The following ZNF385B variants were observed in gnomAD, a reference collection of about 807,000 sequenced individuals.
The protein encoded by ZNF385B is zinc finger protein 385B.
A neutral mutation model predicts 39.2 loss-of-function variants in ZNF385B; 23 were observed. The ratio of observed to expected loss-of-function variants is 0.59; its 90% confidence interval spans 0.42 to 0.83. The LOEUF (loss-of-function observed/expected upper bound fraction) is 0.83, where lower values mean the gene tolerates loss of function less well. ZNF385B is among the 40% of genes least tolerant of loss of function. The probability of loss-of-function intolerance (pLI) is 0.00; values close to 1 mark genes in which losing one functional copy is unlikely to be tolerated. For missense variants in ZNF385B, 552 were observed against 598.9 expected (o/e 0.92, Z 0.82); for synonymous variants, 205 against 222.6 (o/e 0.92, Z 0.70).
At chr2:179,702,090 G>T (rs988203656) in intron 3 of ZNF385B, among the ~76,000 whole-genome samples, 3 of 151,968 alleles carry the variant, frequency 2.0e-5, no homozygotes, top group African/African-American at 7.3e-5. Flanking sequence ...CTTGAATTAA[G>T]ATGTATACAT....
chr2:179,613,163 A>G (rs1191427779), intron 3 of ZNF385B, among the ~76,000 whole-genome samples: 4 of 152,204 alleles, frequency 2.6e-5, no homozygotes, highest in African/African-American at 9.6e-5. Context: ...GGGAAGGTCC[A>G]GAAATGCTTT....
At chr2:179,619,393 T>C (rs1311940172) in intron 3 of ZNF385B, among the ~76,000 whole-genome samples, 1 of 152,224 alleles carries the variant, frequency 6.6e-6, no homozygotes, top group Non-Finnish European at 1.5e-5. Flanking sequence ...ACTGAGTCTT[T>C]TTTAACTTTC....
intron 3 of ZNF385B, among the ~76,000 whole-genome samples, chr2:179,621,544 T>C (rs971115288): frequency 6.6e-6 from 1 of 152,236 alleles, no homozygotes; most frequent in African/African-American, 2.4e-5. Context: ...AACATGTCAC[T>C]TAACGTAAGT....
chr2:179,512,888 T>C (rs2057786797), intron 5 of ZNF385B, among the ~76,000 whole-genome samples: 1 of 152,190 alleles, frequency 6.6e-6, no homozygotes, highest in East Asian at 1.9e-4. Context: ...AACTGTGTAT[T>C]GTGTAAATAA....
At chr2:179,449,460 G>A (rs1349733562) in intron 6 of ZNF385B, among the ~76,000 whole-genome samples, 1 of 152,040 alleles carries the variant, frequency 6.6e-6, no homozygotes, top group Non-Finnish European at 1.5e-5. Flanking sequence ...ACCAATAACA[G>A]ACAAACAGAG....
At chr2:179,816,869 G>T (rs1415940127) in intron 1 of ZNF385B, among the ~76,000 whole-genome samples, 1 of 152,044 alleles carries the variant, frequency 6.6e-6, no homozygotes, top group Non-Finnish European at 1.5e-5. Context: ...TGCACCAACG[G>T]ACCAGTGTGG....
intron 3 of ZNF385B, among the ~76,000 whole-genome samples, chr2:179,749,857 T>C (rs1280389468): frequency 6.6e-6 from 1 of 152,130 alleles, no homozygotes; most frequent in Non-Finnish European, 1.5e-5. Context: ...CAAGACTTAA[T>C]ATTAAGCAAC....
chr2:179,496,666 C>T (rs369143283), intron 5 of ZNF385B, among the ~76,000 whole-genome samples: 8 of 152,232 alleles, frequency 5.3e-5, no homozygotes, highest in African/African-American at 1.9e-4. Flanking sequence ...ATCTTAAAGG[C>T]CAGGAAAGAG....
At chr2:179,549,758 A>G (rs578030409) in intron 3 of ZNF385B, among the ~76,000 whole-genome samples, 1 of 149,726 alleles carries the variant, frequency 6.7e-6, no homozygotes, top group Non-Finnish European at 1.5e-5. Context: ...AAGAGAAAAA[A>G]GAGAGAAGGG....
intron 3 of ZNF385B, among the ~76,000 whole-genome samples, chr2:179,665,571 G>A (rs567001944): frequency 6.6e-6 from 1 of 152,280 alleles, no homozygotes; most frequent in East Asian, 1.9e-4. Context: ...CTCTATCAGT[G>A]TCATCAGATT....
chr2:179,517,094 G>T (rs913840150), intron 5 of ZNF385B, among the ~76,000 whole-genome samples: 1 of 151,754 alleles, frequency 6.6e-6, no homozygotes, highest in Non-Finnish European at 1.5e-5. Flanking sequence ...CTGTTCCATT[G>T]ATCCATGTGT....
intron 6 of ZNF385B, among the ~76,000 whole-genome samples, chr2:179,452,449 T>G (rs1212516794): frequency 6.6e-6 from 1 of 152,130 alleles, no homozygotes; most frequent in East Asian, 1.9e-4. Context: ...AAAGAAGTTT[T>G]AAGAAACCAA....
chr2:179,824,866 G>T (rs1475102561), intron 1 of ZNF385B, among the ~76,000 whole-genome samples: 2 of 151,510 alleles, frequency 1.3e-5, no homozygotes, highest in African/African-American at 4.9e-5. Context: ...CTCTTATGTG[G>T]GTAGTCTGAT....
chr2:179,618,522 C>T (rs544005112), intron 3 of ZNF385B, among the ~76,000 whole-genome samples: 2 of 152,266 alleles, frequency 1.3e-5, no homozygotes, highest in South Asian at 2.1e-4. Flanking sequence ...TTCCTTATCT[C>T]ATTTTCTCCT....
chr2:179,751,273 C>A (rs1702657131), intron 3 of ZNF385B, among the ~76,000 whole-genome samples: 1 of 151,712 alleles, frequency 6.6e-6, no homozygotes, highest in African/African-American at 2.4e-5. Flanking sequence ...ATCCTCACTC[C>A]TTGGTGTGGT....
At chr2:179,695,435 T>C (rs1262702771) in intron 3 of ZNF385B, among the ~76,000 whole-genome samples, 1 of 152,042 alleles carries the variant, frequency 6.6e-6, no homozygotes, top group Non-Finnish European at 1.5e-5. Flanking sequence ...ATTTAAATTA[T>C]ATAACTGAAA....
intron 6 of ZNF385B, among the ~76,000 whole-genome samples, chr2:179,478,557 T>C (rs145681973): frequency 1.6e-4 from 24 of 152,338 alleles, no homozygotes; most frequent in Non-Finnish European, 2.2e-4. Flanking sequence ...TCTTTGCTCT[T>C]AATTGCATTT....
intron 1 of ZNF385B, among the ~76,000 whole-genome samples, chr2:179,779,098 T>C (rs1439984713): frequency 6.6e-6 from 1 of 152,252 alleles, no homozygotes; most frequent in Non-Finnish European, 1.5e-5. Context: ...AAGAAGTTGA[T>C]GTTCTTTTTT....
chr2:179,753,157 G>C (rs957047622), intron 3 of ZNF385B, among the ~76,000 whole-genome samples: 1 of 152,114 alleles, frequency 6.6e-6, no homozygotes, highest in Non-Finnish European at 1.5e-5. Context: ...CATATGGTTA[G>C]CCAATTTGCC....
Sources: gnomAD v4.1 joint callset for allele counts (sites outside exome capture counted in the v4.1 genomes callset) on GRCh38, gnomAD v4.1.1 for gene constraint, MANE v1.5 for transcripts, NCBI Gene and HGNC (gene_info 2026-07-23, HGNC 2026-07-21) for gene names.